Variants in PRKCB observed in about 807,000 individuals in gnomAD.
PRKCB encodes protein kinase C beta.
A neutral mutation model predicts 81.5 loss-of-function variants in PRKCB; 13 were observed. The ratio of observed to expected loss-of-function variants is 0.16; its 90% CI spans 0.10 to 0.25. PRKCB has a LOEUF of 0.25. Ranked by LOEUF, PRKCB falls within the 10% of genes least tolerant of loss-of-function variation. The pLI, the probability that PRKCB is intolerant of heterozygous loss-of-function variation, is 1.00. For missense variants in PRKCB, 509 were observed against 875.7 expected, an observed-to-expected ratio of 0.58 and a Z score of 5.29; for synonymous variants, 335 against 321.4, an observed-to-expected ratio of 1.04 and a Z score of -0.45.
intron 2 of PRKCB, among the ~76,000 whole-genome samples, chr16:23,953,703 T>G (rs1964312510): frequency 6.6e-6 from 1 of 152,208 alleles, no homozygotes. Context: ...CATTCATTCA[T>G]TCATTCATTC....
In PRKCB at chr16:24,066,209, T is replaced by C. The variant is rs114050887; in HGVS notation, c.530-26582T>C. Among the ~76,000 whole-genome samples the C allele has an allele frequency of 7.9e-3, 1,205 of 152,048 alleles. 21 individuals carry two copies. Among genetic ancestry groups the C allele is most frequent in the African/African-American group, 0.027 (1,129 of 41,490 alleles). Reference sequence around the variant, plus strand: ...TTCTTGTCCATTGTCTGCCCTATCCTTTTCTCTCCTTTTCATGCTTGACTT... The same window carrying C: ...TTCTTGTCCATTGTCTGCCCTATCCCTTTCTCTCCTTTTCATGCTTGACTT... On this transcript the variant is annotated intron_variant, in intron 5 of 16. Transcript: ENST00000643927.
At chr16:23,905,096 G>A (rs1963539583) in intron 2 of PRKCB, among the ~76,000 whole-genome samples, 1 of 141,978 alleles carries the variant, frequency 7.0e-6, no homozygotes, top group South Asian at 2.2e-4. Flanking sequence ...CTTGCTTGCT[G>A]ACTTACTGCT....
At chr16:23,861,213 G>T (rs1026146705) in intron 2 of PRKCB, among the ~76,000 whole-genome samples, 5 of 151,532 alleles carry the variant, frequency 3.3e-5, no homozygotes, top group Non-Finnish European at 5.9e-5. Flanking sequence ...CTGTCACCCA[G>T]GCTGGAGTGC....
intron 9 of PRKCB, among the ~76,000 whole-genome samples, chr16:24,135,440 G>C (rs1966861756): frequency 6.6e-6 from 1 of 150,776 alleles, no homozygotes; most frequent in Admixed American, 6.6e-5. Flanking sequence ...AGCCTCCCGA[G>C]TGGCTGGGAT....
intron 9 of PRKCB, among the ~76,000 whole-genome samples, chr16:24,154,007 C>G (rs1427665853): frequency 6.6e-6 from 1 of 152,218 alleles, no homozygotes; most frequent in Non-Finnish European, 1.5e-5. Flanking sequence ...TGAACATGTA[C>G]TATGAGCCAG....
chr16:23,959,173 C>A (rs1964390861), intron 2 of PRKCB, among the ~76,000 whole-genome samples: 1 of 152,140 alleles, frequency 6.6e-6, no homozygotes, highest in Non-Finnish European at 1.5e-5. Context: ...ACATCCCTTA[C>A]CCCCTGTGGA....
intron 2 of PRKCB, among the ~76,000 whole-genome samples, chr16:23,929,922 G>A (rs565752003): frequency 2.0e-5 from 3 of 151,958 alleles, no homozygotes; most frequent in African/African-American, 2.4e-5. Context: ...GGGGCACAGC[G>A]TACTATGAAA....
At chr16:23,837,136 C>A (rs1277278828) in intron 1 of PRKCB, 1 of 600,120 alleles carries the variant, frequency 1.7e-6, no homozygotes, top group Admixed American at 3.0e-5. Flanking sequence ...ACGCTCCCCA[C>A]TATCCCGCCA....
chr16:23,968,493 A>G (rs555693542), intron 2 of PRKCB, among the ~76,000 whole-genome samples: 41 of 152,232 alleles, frequency 2.7e-4, no homozygotes, highest in African/African-American at 9.6e-4. Flanking sequence ...TCCTGGAGGG[A>G]TGAACCGCTT....
At chr16:23,903,662 G>T (rs767047727) in intron 2 of PRKCB, among the ~76,000 whole-genome samples, 1 of 152,168 alleles carries the variant, frequency 6.6e-6, no homozygotes, top group Non-Finnish European at 1.5e-5. Context: ...CAGTGGAATT[G>T]TTCTTGGAGA....
intron 9 of PRKCB, among the ~76,000 whole-genome samples, chr16:24,133,470 C>T (rs1966856552): frequency 1.3e-5 from 2 of 152,226 alleles, no homozygotes; most frequent in South Asian, 4.1e-4. Flanking sequence ...CCTCCACAGG[C>T]TTCAGCCTTA....
chr16:23,998,218 T>C (rs1964985228), intron 3 of PRKCB, among the ~76,000 whole-genome samples: 1 of 152,228 alleles, frequency 6.6e-6, no homozygotes, highest in Non-Finnish European at 1.5e-5. Context: ...CCTACTCCAT[T>C]GGCACCTATG....
At chr16:24,013,352 A>G (rs181790106) in intron 3 of PRKCB, among the ~76,000 whole-genome samples, 2 of 152,336 alleles carry the variant, frequency 1.3e-5, no homozygotes, top group Admixed American at 1.3e-4. Flanking sequence ...TTACTTCTGC[A>G]CCAACCTAAT....
chr16:23,921,753 ATTG>A (rs1490760368), intron 2 of PRKCB, among the ~76,000 whole-genome samples: 1 of 152,196 alleles, frequency 6.6e-6, no homozygotes, highest in Non-Finnish European at 1.5e-5. Context: ...GTGAGCCAAA[ATTG>A]CACAACTGTA....
intron 7 of PRKCB, among the ~76,000 whole-genome samples, chr16:24,106,442 G>A (rs1281632670): frequency 6.6e-6 from 1 of 152,104 alleles, no homozygotes; most frequent in Non-Finnish European, 1.5e-5. Flanking sequence ...TGACCCTATA[G>A]AGAGAGAGAG....
chr16:24,193,480 T>TAAATAAATAAATA (rs1555501798), intron 16 of PRKCB, among the ~76,000 whole-genome samples: 21 of 149,402 alleles, frequency 1.4e-4, no homozygotes, highest in Non-Finnish European at 2.4e-4. Flanking sequence ...AATAAATAAA[T>TAAATAAATAAATA]AAATAAATAA....
chr16:23,939,476 T>C (rs1044157438), intron 2 of PRKCB, among the ~76,000 whole-genome samples: 33 of 152,184 alleles, frequency 2.2e-4, no homozygotes, highest in African/African-American at 7.0e-4. Context: ...TCTACCGTAG[T>C]CAAGACTATG....
chr16:24,017,886 T>A lies in PRKCB; in HGVS notation c.289-14250T>A, dbSNP rs376883907. The stretch of plus-strand genomic sequence containing the variant: ...CTGGGACTATAGGCATGCGCCACCA[T>A]AACTAATTTTTTTTTTTTTTTTTTT... On this transcript the variant is annotated intron_variant, in intron 3 of 16. Coordinates refer to ENST00000643927, the MANE Select transcript of PRKCB (RefSeq NM_002738.7). Among the ~76,000 whole-genome samples the A allele has an allele frequency of 8.2e-4, 119 of 145,098 alleles. 1 individual carries two copies. The highest frequency in any genetic ancestry group is 2.9e-3 in the African/African-American group (115 of 39,010).
At chr16:23,987,683 A>G (rs1268669194) in intron 2 of PRKCB, among the ~76,000 whole-genome samples, 2 of 152,090 alleles carry the variant, frequency 1.3e-5, no homozygotes, top group Non-Finnish European at 2.9e-5. Flanking sequence ...CTAAGCATGC[A>G]CTTTAGAAAG....
Sources: gnomAD v4.1 joint callset for allele counts (sites outside exome capture counted in the v4.1 genomes callset) on GRCh38, gnomAD v4.1.1 for gene constraint, MANE v1.5 for transcripts, NCBI Gene and HGNC (gene_info 2026-07-23, HGNC 2026-07-21) for gene names.